CBFA2T3: variants seen among roughly 807,000 people sequenced by gnomAD.
The protein encoded by CBFA2T3 is CBFA2/RUNX1 partner transcriptional co-repressor 3.
Under a neutral mutation model 58.6 loss-of-function variants are expected in CBFA2T3, and 31 were observed. The observed-to-expected ratio is 0.53, with a 90% CI of 0.40 to 0.71. The LOEUF (loss-of-function observed/expected upper bound fraction) is 0.71. CBFA2T3 is among the 30% of genes least tolerant of loss of function. CBFA2T3 has a pLI of 0.00. For synonymous variants in CBFA2T3, 531 were observed against 421.9 expected (o/e 1.26, Z -3.17); for missense variants, 1,076 against 963.1 (o/e 1.12, Z -1.55).
chr16:88,974,123 C>G (rs552358813), intron 1 of CBFA2T3, among the ~76,000 whole-genome samples: 1 of 152,200 alleles, frequency 6.6e-6, no homozygotes, highest in Non-Finnish European at 1.5e-5. Context: ...ATCTCTGTCC[C>G]TGGCACCCTC....
In CBFA2T3 at chr16:88,875,309, G is replaced by A. The variant is rs191067101; in HGVS notation, c.*1667C>T. On this transcript the variant is annotated 3_prime_UTR_variant, in exon 12 of 12. Transcript: ENST00000268679. The stretch of plus-strand genomic sequence containing the variant: ...ATCCCTTTATTTCCTTCTTGAAATC[G>A]CTGAGGCAGTTGAGAGGAGTGGAGG... The A allele has an allele frequency of 5.9e-3, 1,369 of 232,700 alleles. 13 individuals carry two copies. The highest frequency in any genetic ancestry group is 0.023 in the Admixed American group (412 of 17,756). 14.4% of individuals were successfully genotyped at this position (232,700 alleles called of 1,614,324 possible).
At chr16:88,893,821 G>A (rs1369922454) in intron 3 of CBFA2T3, among the ~76,000 whole-genome samples, 13 of 152,270 alleles carry the variant, frequency 8.5e-5, no homozygotes, top group Admixed American at 6.5e-4. Flanking sequence ...CTTGCAAGGC[G>A]GCCAGCGCAC....
At chr16:88,888,052 T>G (rs927720371) in intron 5 of CBFA2T3, among the ~76,000 whole-genome samples, 1 of 152,006 alleles carries the variant, frequency 6.6e-6, no homozygotes, top group African/African-American at 2.4e-5. Context: ...AAACTAGCGC[T>G]GTGGAGCCTC....
At chr16:88,920,961 G>C (rs1381033607) in intron 1 of CBFA2T3, among the ~76,000 whole-genome samples, 1 of 152,256 alleles carries the variant, frequency 6.6e-6, no homozygotes, top group African/African-American at 2.4e-5. Context: ...CCACAACCTG[G>C]AACAACACAT....
chr16:88,906,520 T>C (rs1970340938), intron 1 of CBFA2T3, among the ~76,000 whole-genome samples: 1 of 152,192 alleles, frequency 6.6e-6, no homozygotes, highest in South Asian at 2.1e-4. Context: ...CGCACAGAGC[T>C]TCACAGTAGA....
chr16:88,951,494 T>G (rs1972072432), intron 1 of CBFA2T3: 1 of 369,438 alleles, frequency 2.7e-6, no homozygotes, highest in Non-Finnish European at 5.3e-6. Context: ...CATCTTTGCT[T>G]TTTTAAATTA....
chr16:88,912,176 G>A lies in CBFA2T3; in HGVS notation c.152-10520C>T, dbSNP rs554930017. Among the ~76,000 whole-genome samples the A allele has an allele frequency of 9.5e-4, 145 of 152,380 alleles. 1 individual carries two copies. The highest frequency in any genetic ancestry group is 3.4e-3 in the African/African-American group (141 of 41,598). ...CTCCCCAACCCACTACGTGGCTCCAGGCGGACCTGGCCTTGCCTCTTCCTT... is the reference window on the plus strand; with the variant it reads ...CTCCCCAACCCACTACGTGGCTCCAAGCGGACCTGGCCTTGCCTCTTCCTT... On this transcript the variant is annotated intron_variant, in intron 1 of 11. Transcript: ENST00000268679.
At chr16:88,976,617 C>G (rs1243608066) in intron 1 of CBFA2T3, 40 bp downstream of exon 1, 1 of 1,475,402 alleles carries the variant, frequency 6.8e-7, no homozygotes, top group Non-Finnish European at 9.2e-7. Context: ...GGCTGCCGCT[C>G]TCTGCCCCCA....
At chr16:88,942,653 C>G (rs1378046040) in intron 1 of CBFA2T3, among the ~76,000 whole-genome samples, 1 of 152,226 alleles carries the variant, frequency 6.6e-6, no homozygotes, top group East Asian at 1.9e-4. Context: ...GTCTGGTCAG[C>G]TGGGTCACTA....
intron 1 of CBFA2T3, among the ~76,000 whole-genome samples, chr16:88,936,254 C>T (rs762994557): frequency 1.3e-5 from 2 of 152,190 alleles, no homozygotes; most frequent in Non-Finnish European, 2.9e-5. Context: ...TCCCAGGTAT[C>T]TCCCATCCTG....
chr16:88,971,191 C>T (rs953698703), intron 1 of CBFA2T3, among the ~76,000 whole-genome samples: 6 of 152,246 alleles, frequency 3.9e-5, no homozygotes, highest in Admixed American at 1.3e-4. Context: ...CTCACTGCAA[C>T]CTCTGCCTCC....
chr16:88,875,225 C>T lies in CBFA2T3; in HGVS notation c.*1751G>A. On this transcript the variant is annotated 3_prime_UTR_variant, in exon 12 of 12. Coordinates refer to ENST00000268679, the MANE Select transcript of CBFA2T3 (RefSeq NM_005187.6). ...CGGGCCACGCCACACGCACAGATGC[C>T]AGGCTGCGGGCCGTGCCTGCTGTCT... is the stretch of plus-strand genomic sequence containing the variant. The T allele has an allele frequency of 1.3e-5, 3 of 234,054 alleles. No individual in the cohort carries two copies. The highest frequency in any genetic ancestry group is 2.5e-5 in the Non-Finnish European group (3 of 118,360). The allele number at this position is 234,054 out of a possible 1,614,324, so 14.5% of individuals were successfully genotyped here.
At chr16:88,895,265 C>G (rs866134878) in intron 3 of CBFA2T3, among the ~76,000 whole-genome samples, 1 of 152,212 alleles carries the variant, frequency 6.6e-6, no homozygotes, top group African/African-American at 2.4e-5. Flanking sequence ...AAGTGTCCCT[C>G]CAGTAACCTT....
At chr16:88,905,594 G>T (rs1032432003) in intron 1 of CBFA2T3, among the ~76,000 whole-genome samples, 8 of 151,270 alleles carry the variant, frequency 5.3e-5, no homozygotes, top group Non-Finnish European at 1.2e-4. Context: ...CCCAGCCCCC[G>T]CTTAGGGGCT....
intron 3 of CBFA2T3, among the ~76,000 whole-genome samples, chr16:88,896,946 G>A (rs1455324954): frequency 3.3e-5 from 5 of 152,230 alleles, no homozygotes; most frequent in Non-Finnish European, 7.4e-5. Context: ...AAATAACCCC[G>A]GCACAAGCGC....
intron 1 of CBFA2T3, among the ~76,000 whole-genome samples, chr16:88,946,783 GTTTT>G (rs1403028203): frequency 6.6e-6 from 1 of 151,948 alleles, no homozygotes; most frequent in East Asian, 1.9e-4. Context: ...TTCTGGCTGA[GTTTT>G]TTTGTTTGTT....
rs923368714 is a variant in CBFA2T3 at position 88,958,662 on chromosome 16, G to A, written c.151+17995C>T. 6.6e-6 allele frequency among the ~76,000 whole-genome samples: 1 copy of A among 152,144 alleles called. No homozygotes were observed. The highest frequency in any genetic ancestry group is 2.4e-5 in the African/African-American group (1 of 41,438). On this transcript the variant is annotated intron_variant, in intron 1 of 11. Coordinates refer to ENST00000268679, the MANE Select transcript of CBFA2T3 (RefSeq NM_005187.6). This position sits in a 1 kb window ranked among gnomAD's most constrained non-coding sequence, Gnocchi z 4.0. ...CCAGCAGCCCAGCACTACCTTTGGA[G>A]GGAGACAAACTCGCTCCCCCAGGGC...
intron 1 of CBFA2T3, among the ~76,000 whole-genome samples, chr16:88,970,067 T>C (rs529293152): frequency 6.6e-6 from 1 of 152,098 alleles, no homozygotes; most frequent in Admixed American, 6.5e-5. Flanking sequence ...GAAAAGCTGA[T>C]GGAAATTCAC....
intron 1 of CBFA2T3, among the ~76,000 whole-genome samples, chr16:88,964,418 T>C (rs1487021538): frequency 6.6e-6 from 1 of 152,254 alleles, no homozygotes. Context: ...TTACTGCTGG[T>C]GAGGCTTCAG....
Sources: allele counts gnomAD v4.1 joint callset (sites outside exome capture counted in the v4.1 genomes callset), GRCh38; gene constraint gnomAD v4.1.1; non-coding constraint Gnocchi (gnomAD v3.1); transcripts MANE v1.5; gene names NCBI Gene and HGNC (gene_info 2026-07-23, HGNC 2026-07-21).